The following PUM2 variants were observed in gnomAD, a reference collection of about 807,000 sequenced individuals.
The protein encoded by PUM2 is pumilio homolog 2.
A neutral mutation model predicts 124.5 loss-of-function variants in PUM2; 57 were observed. The observed-to-expected ratio is 0.46, with a 90% CI of 0.37 to 0.57. The LOEUF is 0.57. Ranked by LOEUF, PUM2 falls within the 20% of genes least tolerant of loss-of-function variation. The pLI is 0.00. For synonymous variants in PUM2, 460 were observed against 446.1 expected (o/e 1.03, Z -0.39); for missense variants, 1,065 against 1,290.6 (o/e 0.83, Z 2.68).
At chr2:20,350,896 G>T, upstream of PUM2, 1 of 610,880 alleles carries the variant, frequency 1.6e-6, no homozygotes, top group Non-Finnish European at 2.1e-6. Flanking sequence ...AGGGGAGGGG[G>T]AGCGCTCACC....
At chr2:20,331,617 A>G (rs1194406282) in intron 1 of PUM2, 1 of 65,034 alleles carries the variant, frequency 1.5e-5, no homozygotes, top group Non-Finnish European at 3.9e-5. Flanking sequence ...TCGAAAGCAG[A>G]AAAAAAAAAA....
chr2:20,314,532 A>T (rs1680414363), intron 3 of PUM2, among the ~76,000 whole-genome samples: 1 of 152,232 alleles, frequency 6.6e-6, no homozygotes, highest in Non-Finnish European at 1.5e-5. Context: ...AAGAACCGGT[A>T]AGCTACCAGC....
At chr2:20,263,138 A>G (rs1023000080) in intron 14 of PUM2, 55 bp downstream of exon 14, 3 of 1,495,494 alleles carry the variant, frequency 2.0e-6, no homozygotes, top group Non-Finnish European at 1.8e-6. Flanking sequence ...TTAAGCTTTT[A>G]TAAGGCAGCA....
intron 5 of PUM2, 32 bp downstream of exon 5, chr2:20,311,462 C>T (rs774402143): frequency 4.7e-5 from 74 of 1,571,680 alleles, no homozygotes; most frequent in East Asian, 3.8e-4. Context: ...TAAAAAGATA[C>T]GCTTTTCTTC....
At chr2:20,276,511 T>C (rs997953578) in intron 13 of PUM2, among the ~76,000 whole-genome samples, 1 of 152,058 alleles carries the variant, frequency 6.6e-6, no homozygotes. Flanking sequence ...ATTCTTGATA[T>C]GTGAGCTCAG....
intron 7 of PUM2, among the ~76,000 whole-genome samples, chr2:20,299,666 T>C (rs1676483449): frequency 6.6e-6 from 1 of 152,140 alleles, no homozygotes; most frequent in Non-Finnish European, 1.5e-5. Flanking sequence ...AGACTCTGTC[T>C]CCTAAATAAA....
chr2:20,333,897 T>C (rs1474185886), intron 1 of PUM2, among the ~76,000 whole-genome samples: 5 of 152,102 alleles, frequency 3.3e-5, no homozygotes, highest in Admixed American at 6.5e-5. Flanking sequence ...CTTGTGATAG[T>C]TTTTCTAAGA....
chr2:20,342,979 A>C (rs1458595783), intron 1 of PUM2, among the ~76,000 whole-genome samples: 1 of 152,200 alleles, frequency 6.6e-6, no homozygotes, highest in East Asian at 1.9e-4. Flanking sequence ...ATATATTTAT[A>C]GACAGGGTCT....
chr2:20,348,790 G>A (rs1573062213), intron 1 of PUM2, among the ~76,000 whole-genome samples: 2 of 145,496 alleles, frequency 1.4e-5, no homozygotes, highest in East Asian at 4.9e-4. Context: ...GGGCGTGGTG[G>A]CGTGCGCCTG....
chr2:20,318,439 T>A, intron 3 of PUM2, 98 bp downstream of exon 3: 1 of 1,084,868 alleles, frequency 9.2e-7, no homozygotes, highest in Non-Finnish European at 1.3e-6. Flanking sequence ...ATACAAAAAA[T>A]GCAAAAATTT....
intron 13 of PUM2, among the ~76,000 whole-genome samples, chr2:20,274,238 TCA>T (rs1197795701): frequency 3.3e-5 from 5 of 152,294 alleles, no homozygotes; most frequent in Non-Finnish European, 7.4e-5. Context: ...CGAATGCTAT[TCA>T]GTTACAGAGA....
At chr2:20,262,504 CT>C (rs1169001762) in intron 14 of PUM2, among the ~76,000 whole-genome samples, 1 of 152,192 alleles carries the variant, frequency 6.6e-6, no homozygotes. Context: ...TAGGTACACT[CT>C]TTAATGTTCA....
intron 13 of PUM2, among the ~76,000 whole-genome samples, chr2:20,265,876 G>A (rs535224216): frequency 6.6e-6 from 1 of 151,920 alleles, no homozygotes; most frequent in Non-Finnish European, 1.5e-5. Context: ...CACCCTTAAT[G>A]CATTAAAGAT....
intron 5 of PUM2, among the ~76,000 whole-genome samples, chr2:20,311,150 A>AG (rs1338460796): frequency 1.3e-5 from 2 of 151,534 alleles, no homozygotes; most frequent in African/African-American, 2.4e-5. Flanking sequence ...CACTCCCAAG[A>AG]GGGGAAAAAA....
chr2:20,271,688 T>A (rs1466094189), intron 13 of PUM2, among the ~76,000 whole-genome samples: 2 of 152,192 alleles, frequency 1.3e-5, no homozygotes, highest in African/African-American at 4.8e-5. Flanking sequence ...GGATTAAAGA[T>A]CAATTGTTAG....
At chr2:20,351,146 G>A, upstream of PUM2, among the ~76,000 whole-genome samples, 1 of 152,174 alleles carries the variant, frequency 6.6e-6, no homozygotes, top group Admixed American at 6.5e-5. Flanking sequence ...TTCCCGCGTG[G>A]GGCCTCGCCT....
intron 1 of PUM2, among the ~76,000 whole-genome samples, chr2:20,335,664 A>T (rs748911403): frequency 1.3e-5 from 2 of 152,250 alleles, no homozygotes; most frequent in Non-Finnish European, 2.9e-5. Context: ...AAAAAGCTCT[A>T]TAACAAAGAA....
intron 1 of PUM2, among the ~76,000 whole-genome samples, chr2:20,348,848 C>T (rs1688758682): frequency 6.6e-6 from 1 of 152,214 alleles, no homozygotes; most frequent in South Asian, 2.1e-4. Flanking sequence ...AGAACAGTTG[C>T]AGCCCGGGAC....
chr2:20,288,744 C>A (rs1673302229), intron 10 of PUM2, among the ~76,000 whole-genome samples: 2 of 152,148 alleles, frequency 1.3e-5, no homozygotes, highest in African/African-American at 4.8e-5. Flanking sequence ...TTAGTATACA[C>A]ATTAGCTTTA....
Sources: gnomAD v4.1 joint callset for allele counts (sites outside exome capture counted in the v4.1 genomes callset) on GRCh38, gnomAD v4.1.1 for gene constraint, MANE v1.5 for transcripts, NCBI Gene and HGNC (gene_info 2026-07-23, HGNC 2026-07-21) for gene names.